GRAMD1C: variants seen among roughly 807,000 people sequenced by gnomAD.
GRAMD1C encodes the protein GRAM domain containing 1C, also known as protein Aster-C.
In GRAMD1C, 89 loss-of-function variants were observed where a neutral mutation model predicts 97.8. That is an observed-to-expected ratio of 0.91 (90% CI 0.77 to 1.09). The LOEUF (loss-of-function observed/expected upper bound fraction) is 1.09, where lower values mean the gene tolerates loss of function less well. GRAMD1C is among the 50% of genes least tolerant of loss of function. The probability of loss-of-function intolerance (pLI) is 0.00; values close to 1 mark genes in which losing one functional copy is unlikely to be tolerated. For missense variants in GRAMD1C, 740 were observed against 766.4 expected, an observed-to-expected ratio of 0.97 and a Z score of 0.41; for synonymous variants, 256 against 267.0, an observed-to-expected ratio of 0.96 and a Z score of 0.40.
At chr3:113,920,083 G>A in intron 10 of GRAMD1C, 4 of 1,202,832 alleles carry the variant, frequency 3.3e-6, no homozygotes, top group Non-Finnish European at 3.6e-6. Context: ...ACTTCAAACA[G>A]CAGGAGATCA....
chr3:113,852,304 G>A (rs570536283), intron 2 of GRAMD1C, among the ~76,000 whole-genome samples: 10 of 151,988 alleles, frequency 6.6e-5, no homozygotes, highest in Admixed American at 1.3e-4. Context: ...AGCTTATAAA[G>A]GATATTTCAG....
chr3:113,877,869 C>T (rs1935105300), intron 5 of GRAMD1C, among the ~76,000 whole-genome samples: 1 of 152,038 alleles, frequency 6.6e-6, no homozygotes, highest in Non-Finnish European at 1.5e-5. Flanking sequence ...CCTCCGCCTC[C>T]TGGGTTCAAG....
At chr3:113,877,557 T>C (rs535215527) in intron 5 of GRAMD1C, among the ~76,000 whole-genome samples, 5 of 152,322 alleles carry the variant, frequency 3.3e-5, no homozygotes, top group African/African-American at 9.6e-5. Context: ...ATCTCTCAAT[T>C]TGTGTTTGTC....
intron 10 of GRAMD1C, among the ~76,000 whole-genome samples, chr3:113,918,169 G>A (rs1258944789): frequency 2.0e-5 from 3 of 152,062 alleles, no homozygotes; most frequent in Non-Finnish European, 2.9e-5. Flanking sequence ...TATCTTTTCT[G>A]TTCTTCCAGT....
In GRAMD1C at chr3:113,887,165, C is replaced by T. The variant is rs557102022; in HGVS notation, c.540+4333C>T. 2.1e-5 allele frequency among the ~76,000 whole-genome samples: 3 copies of T among 142,910 alleles called. No homozygotes were observed. In the East Asian group the frequency reaches 6.6e-4, roughly 31 times the overall value. 93.8% of individuals were successfully genotyped at this position (142,910 alleles called of 152,430 possible). A position where few individuals can be genotyped will look rare whatever the true frequency, so the allele number is the denominator to read the frequency against. On this transcript the variant is annotated intron_variant, in intron 6 of 17. Coordinates refer to ENST00000358160, the MANE Select transcript of GRAMD1C (RefSeq NM_017577.5). ...CTGGAGTGCAGTGGTGGCACAATCT[C>T]AGACAACCTCCGTCTCACAGGTGCA...
upstream of GRAMD1C, among the ~76,000 whole-genome samples, chr3:113,837,503 A>G (rs1709653344): frequency 6.6e-6 from 1 of 152,296 alleles, no homozygotes; most frequent in African/African-American, 2.4e-5. Context: ...CATTGTTTCA[A>G]TCTGGAAGGG....
rs1289260449 is a variant in GRAMD1C, at chr3:113,875,751, T to C, written c.363+164T>C. ...CAAACGTGTTGTATATATAAGTGTA[T>C]AATATATTTTTCTGATTTAATACAT... On this transcript the variant is annotated intron_variant, in intron 4 of 17. Coordinates refer to ENST00000358160, the MANE Select transcript of GRAMD1C (RefSeq NM_017577.5). The C allele has an allele frequency of 1.5e-5, 7 of 464,700 alleles. No individual in the cohort carries two copies. In the East Asian group the frequency reaches 1.6e-4, roughly 11 times the overall value. 28.8% of individuals were successfully genotyped at this position (464,700 alleles called of 1,614,324 possible).
intron 10 of GRAMD1C, among the ~76,000 whole-genome samples, chr3:113,923,251 C>A (rs1462782509): frequency 1.3e-5 from 2 of 151,978 alleles, no homozygotes; most frequent in Non-Finnish European, 2.9e-5. Context: ...GTTTGGATGC[C>A]TTTTATTTCT....
At chr3:113,885,372 T>A in intron 6 of GRAMD1C, 1 of 1,592,314 alleles carries the variant, frequency 6.3e-7, no homozygotes, top group Non-Finnish European at 8.6e-7. Context: ...GCTTCTTCAT[T>A]TACCTTTTGC....
chr3:113,838,087 T>C (rs1396303373), upstream of GRAMD1C, among the ~76,000 whole-genome samples: 1 of 152,226 alleles, frequency 6.6e-6, no homozygotes, highest in African/African-American at 2.4e-5. Flanking sequence ...TAATGAGGCA[T>C]GTCCAATCCC....
Position 113,883,040 on chromosome 3 carries a change from T to C in GRAMD1C, c.540+208T>C, listed in dbSNP as rs546238578. On this transcript the variant is annotated intron_variant, in intron 6 of 17. Transcript: ENST00000358160. Reference sequence around the variant, plus strand: ...TAATCACCAAGAAAATAAATAAAAATAAAAAATAAGCAGCAAAGGAATTAA... The same window carrying C: ...TAATCACCAAGAAAATAAATAAAAACAAAAAATAAGCAGCAAAGGAATTAA... Among the ~76,000 whole-genome samples, 6 of 151,632 alleles carry C rather than the reference T, an allele frequency of 4.0e-5. No homozygotes were observed. The South Asian group carries it at 1.3e-3, about 32-fold the overall frequency.
chr3:113,883,646 C>T (rs1182494820), intron 6 of GRAMD1C, among the ~76,000 whole-genome samples: 1 of 151,898 alleles, frequency 6.6e-6, no homozygotes, highest in Non-Finnish European at 1.5e-5. Flanking sequence ...ATACACCATG[C>T]AAACAGTAAC....
chr3:113,857,516 C>T lies in GRAMD1C; in HGVS notation c.175-11991C>T, dbSNP rs536541150. On this transcript the variant is annotated intron_variant, in intron 2 of 17. Coordinates refer to ENST00000358160, the MANE Select transcript of GRAMD1C (RefSeq NM_017577.5). ...TCAGCCTCCCGAGTAGCTGGGACTA[C>T]GGGCGCCCACCACCACGCCTGGCTA... 2.6e-4 allele frequency among the ~76,000 whole-genome samples: 40 copies of T among 152,040 alleles called. 1 individual carries two copies. The South Asian group carries it at 7.5e-3, about 28-fold the overall frequency.
At chr3:113,885,603 T>C (rs879048966) in intron 6 of GRAMD1C, 7 of 1,528,494 alleles carry the variant, frequency 4.6e-6, no homozygotes, top group African/African-American at 4.1e-5. Flanking sequence ...AGACAAACAT[T>C]CTGTCCGGTT....
intron 6 of GRAMD1C, among the ~76,000 whole-genome samples, chr3:113,884,608 G>A (rs1277084954): frequency 1.3e-5 from 2 of 152,098 alleles, no homozygotes; most frequent in East Asian, 1.9e-4. Context: ...CCAGGCGGGC[G>A]GATCACGAGG....
intron 2 of GRAMD1C, among the ~76,000 whole-genome samples, chr3:113,853,589 G>A (rs1933997454): frequency 6.6e-6 from 1 of 152,136 alleles, no homozygotes; most frequent in Admixed American, 6.6e-5. Context: ...AATTAAGAAA[G>A]GAATGGTCTT....
At chr3:113,928,389 A>G (rs969737745) in intron 10 of GRAMD1C, among the ~76,000 whole-genome samples, 1 of 152,236 alleles carries the variant, frequency 6.6e-6, no homozygotes, top group Admixed American at 6.5e-5. Flanking sequence ...AAAAATATGT[A>G]AAGCTTCAGA....
At chr3:113,876,547 T>A (rs1935042905) in intron 5 of GRAMD1C, among the ~76,000 whole-genome samples, 1 of 152,206 alleles carries the variant, frequency 6.6e-6, no homozygotes, top group African/African-American at 2.4e-5. Context: ...AATAATCCCA[T>A]GAGTATTTTT....
At chr3:113,856,032 G>A (rs1267366827) in intron 2 of GRAMD1C, among the ~76,000 whole-genome samples, 1 of 151,936 alleles carries the variant, frequency 6.6e-6, no homozygotes, top group African/African-American at 2.4e-5. Flanking sequence ...GGGATTACAG[G>A]CACGTGCCAC....
Sources: allele counts gnomAD v4.1 joint callset (sites outside exome capture counted in the v4.1 genomes callset), GRCh38; gene constraint gnomAD v4.1.1; transcripts MANE v1.5; gene names NCBI Gene and HGNC (gene_info 2026-07-23, HGNC 2026-07-21).